The following TMEM135 variants were observed in gnomAD, a reference collection of about 807,000 sequenced individuals.
The protein encoded by TMEM135 is peroxisomal membrane protein 52.
A neutral mutation model predicts 60.3 loss-of-function variants in TMEM135; 30 were observed. That is an observed-to-expected ratio of 0.50 (90% CI 0.37 to 0.68). The LOEUF (loss-of-function observed/expected upper bound fraction) is 0.68. TMEM135 is among the 30% of genes least tolerant of loss of function. The pLI is 0.00. For synonymous variants in TMEM135, 190 were observed against 186.7 expected (o/e 1.02, Z -0.14); for missense variants, 468 against 548.8 (o/e 0.85, Z 1.47).
At chr11:87,283,002 T>C (rs1008712854) in intron 6 of TMEM135, among the ~76,000 whole-genome samples, 2 of 152,152 alleles carry the variant, frequency 1.3e-5, no homozygotes, top group African/African-American at 4.8e-5. Flanking sequence ...TTTCTCTTTC[T>C]TGGGGGTCAG....
chr11:87,254,676 G>A (rs2135394973), intron 6 of TMEM135, among the ~76,000 whole-genome samples: 1 of 152,160 alleles, frequency 6.6e-6, no homozygotes, highest in South Asian at 2.1e-4. Context: ...TATTTCTTTG[G>A]GAAAATACAT....
intron 4 of TMEM135, chr11:87,095,305 T>G (rs1490615099): frequency 5.0e-6 from 1 of 199,684 alleles, no homozygotes; most frequent in African/African-American, 2.3e-5. Flanking sequence ...AAGAAAGTGT[T>G]GCCTATGTTC....
chr11:87,308,512 T>TC (rs1468577438), intron 9 of TMEM135, among the ~76,000 whole-genome samples: 2 of 152,156 alleles, frequency 1.3e-5, no homozygotes, highest in African/African-American at 2.4e-5. Flanking sequence ...AATTTTTTTT[T>TC]CTGGAAAAGA....
In TMEM135 at chr11:87,168,344, T is replaced by C. The variant is rs192113560; in HGVS notation, c.462+10938T>C. ...ATCTTAGTTGTTTCTTGTCTTCTAC[T>C]TGCTTTTGAATTTGTTAGCTTTTGC... On this transcript the variant is annotated intron_variant, in intron 5 of 14. Transcript: ENST00000305494. Among the ~76,000 whole-genome samples, 213 of 152,268 alleles carry C rather than the reference T, an allele frequency of 1.4e-3. 1 individual carries two copies. Among genetic ancestry groups the C allele is most frequent in the Non-Finnish European group, 2.1e-3 (144 of 68,026 alleles).
In TMEM135 at chr11:87,159,617, A is replaced by ACACACACACACACCCCCC. The variant is rs140303858; in HGVS notation, c.462+2212_462+2213insACACACACACACCCCCCC. Among the ~76,000 whole-genome samples, 220 of 149,446 alleles carry ACACACACACACACCCCCC rather than the reference A, an allele frequency of 1.5e-3. 3 individuals are homozygous for ACACACACACACACCCCCC. The East Asian group carries it at 0.019, about 13-fold the overall frequency. On this transcript the variant is annotated intron_variant, in intron 5 of 14. Coordinates refer to ENST00000305494, the MANE Select transcript of TMEM135 (RefSeq NM_022918.4). ...CGCACACACACACACACACACACAC[A>ACACACACACACACCCCCC]CCATAGATTTTCCGAGACGGTTGGC...
intron 3 of TMEM135, 71 bp downstream of exon 3, chr11:87,071,686 T>TTG: frequency 8.5e-7 from 1 of 1,169,820 alleles, no homozygotes; most frequent in Non-Finnish European, 1.2e-6. Context: ...TTTTTTTTTT[T>TTG]TAATTATCAC....
chr11:87,203,621 C>T (rs1399426044), intron 5 of TMEM135, among the ~76,000 whole-genome samples: 9 of 152,122 alleles, frequency 5.9e-5, no homozygotes, highest in Admixed American at 2.0e-4. Flanking sequence ...GAGAACATCT[C>T]GGTTGCTTCT....
intron 3 of TMEM135, 27 bp from the exon 4 acceptor site, chr11:87,091,335 A>C: frequency 6.2e-7 from 1 of 1,602,360 alleles, no homozygotes; most frequent in Non-Finnish European, 8.5e-7. Context: ...TTGAAGTTTA[A>C]TATCTTCCTT....
At chr11:87,226,740 G>A (rs1375221188) in intron 5 of TMEM135, among the ~76,000 whole-genome samples, 1 of 152,156 alleles carries the variant, frequency 6.6e-6, no homozygotes, top group Admixed American at 6.6e-5. Flanking sequence ...TAGTGGCCTT[G>A]AAGGTATAAA....
chr11:87,261,144 T>C (rs540598707), intron 6 of TMEM135, among the ~76,000 whole-genome samples: 136 of 152,338 alleles, frequency 8.9e-4, no homozygotes, highest in Admixed American at 1.6e-3. Context: ...ATTTCTGTAA[T>C]GGGAATTTTC....
At chr11:87,226,803 T>C (rs1354904543) in intron 5 of TMEM135, among the ~76,000 whole-genome samples, 6 of 152,052 alleles carry the variant, frequency 3.9e-5, no homozygotes, top group Non-Finnish European at 7.4e-5. Flanking sequence ...CCAGCACTTT[T>C]AGAGTCCGAG....
At chr11:87,067,890 T>C (rs1856697595) in intron 2 of TMEM135, 69 bp downstream of exon 2, 1 of 1,578,696 alleles carries the variant, frequency 6.3e-7, no homozygotes, top group Admixed American at 1.7e-5. Flanking sequence ...AGTATGTGTT[T>C]ACATAAATGT....
intron 6 of TMEM135, among the ~76,000 whole-genome samples, chr11:87,242,971 T>G (rs949392068): frequency 7.1e-6 from 1 of 140,456 alleles, no homozygotes; most frequent in Non-Finnish European, 1.6e-5. Flanking sequence ...TCTTCTAGGG[T>G]TTTCATGGTT....
At chr11:87,158,337 T>A (rs1045787185) in intron 5 of TMEM135, among the ~76,000 whole-genome samples, 2 of 152,216 alleles carry the variant, frequency 1.3e-5, no homozygotes, top group South Asian at 4.1e-4. Context: ...TTAAACAGAA[T>A]TGTATTACTT....
intron 4 of TMEM135, among the ~76,000 whole-genome samples, chr11:87,112,376 C>T (rs1403946179): frequency 8.9e-6 from 1 of 111,896 alleles, no homozygotes; most frequent in Non-Finnish European, 1.8e-5. Context: ...AAATCGCTCA[C>T]TGTTTTACTG....
intron 5 of TMEM135, among the ~76,000 whole-genome samples, chr11:87,191,234 T>A (rs1443168709): frequency 6.8e-6 from 1 of 146,304 alleles, no homozygotes; most frequent in Non-Finnish European, 1.5e-5. Context: ...ACACCCTTAC[T>A]TTGGCAGTAT....
intron 5 of TMEM135, among the ~76,000 whole-genome samples, chr11:87,159,566 CAA>C (rs1485447954): frequency 6.7e-6 from 1 of 149,180 alleles, no homozygotes; most frequent in Non-Finnish European, 1.5e-5. Context: ...CAAAACAAAT[CAA>C]AGATACTACT....
Position 87,307,294 on chromosome 11 carries a change from G to C in TMEM135, c.768+1289G>C, listed in dbSNP as rs72959878. 5.4e-3 allele frequency among the ~76,000 whole-genome samples: 822 copies of C among 151,602 alleles called. 16 individuals carry two copies. Among genetic ancestry groups the C allele is most frequent in the Non-Finnish European group, 3.3e-3 (225 of 67,896 alleles). On this transcript the variant is annotated intron_variant, in intron 9 of 14. Transcript: ENST00000305494. The stretch of plus-strand genomic sequence containing the variant: ...CAAAATGACCAAGGATAAAATAGTA[G>C]GGTTTTGTTTTGTTTTGTTCCTCAG...
intron 3 of TMEM135, among the ~76,000 whole-genome samples, chr11:87,082,972 A>C (rs891168144): frequency 2.0e-5 from 3 of 152,188 alleles, no homozygotes; most frequent in Non-Finnish European, 4.4e-5. Context: ...TTATCTCTCT[A>C]TCTGGATATA....
Sources: gnomAD v4.1 joint callset for allele counts (sites outside exome capture counted in the v4.1 genomes callset) on GRCh38, gnomAD v4.1.1 for gene constraint, MANE v1.5 for transcripts, NCBI Gene and HGNC (gene_info 2026-07-23, HGNC 2026-07-21) for gene names.